ESR1: variants seen among roughly 807,000 people sequenced by gnomAD.
ESR1 encodes the protein estrogen receptor.
In ESR1, 12 loss-of-function variants were observed where a neutral mutation model predicts 52.7. The ratio of observed to expected loss-of-function variants is 0.23; its 90% confidence interval spans 0.15 to 0.37. ESR1 has a LOEUF of 0.37. Ranked by LOEUF, ESR1 falls within the 10% of genes least tolerant of loss-of-function variation. The pLI is 1.00. For missense variants in ESR1, 584 were observed against 779.7 expected (o/e 0.75, Z 2.99); for synonymous variants, 305 against 316.8 (o/e 0.96, Z 0.39).
At chr6:151,870,842 GCTT>G (rs980809012) in intron 2 of ESR1, among the ~76,000 whole-genome samples, 25 of 151,778 alleles carry the variant, frequency 1.6e-4, no homozygotes, top group South Asian at 6.3e-4. Flanking sequence ...TACATCTTCA[GCTT>G]CTTCTTCTTC....
chr6:151,689,990 T>C (rs960536378), upstream of ESR1, among the ~76,000 whole-genome samples: 3 of 152,144 alleles, frequency 2.0e-5, no homozygotes, highest in Non-Finnish European at 4.4e-5. Context: ...GGAAGGATCA[T>C]ATGACAGAAG....
chr6:151,935,098 A>G (rs1009678351), intron 3 of ESR1, among the ~76,000 whole-genome samples: 1 of 152,220 alleles, frequency 6.6e-6, no homozygotes, highest in Admixed American at 6.5e-5. Flanking sequence ...GTAATAAGGA[A>G]TACTAATAGC....
At chr6:151,890,278 G>A (rs1421161991) in intron 3 of ESR1, among the ~76,000 whole-genome samples, 2 of 151,740 alleles carry the variant, frequency 1.3e-5, no homozygotes, top group African/African-American at 4.8e-5. Context: ...GTAGAGATGG[G>A]GTTTCACCAT....
At chr6:151,787,789 A>G (rs1787163796) in intron 2 of ESR1, among the ~76,000 whole-genome samples, 1 of 152,212 alleles carries the variant, frequency 6.6e-6, no homozygotes, top group African/African-American at 2.4e-5. Context: ...TGTCATCTGC[A>G]AATAGGGATA....
intron 1 of ESR1, among the ~76,000 whole-genome samples, chr6:151,664,341 G>T (rs1777744005): frequency 6.6e-6 from 1 of 152,160 alleles, no homozygotes; most frequent in Non-Finnish European, 1.5e-5. Context: ...ATTAAGAACT[G>T]AACATTGATA....
chr6:151,863,223 T>C (rs1032176295), intron 2 of ESR1, among the ~76,000 whole-genome samples: 1 of 152,170 alleles, frequency 6.6e-6, no homozygotes, highest in African/African-American at 2.4e-5. Flanking sequence ...AATCTATAAA[T>C]TACCTTGGGC....
In ESR1 at chr6:152,026,997, G is replaced by A. The variant is rs1048263766; in HGVS notation, c.1235+15203G>A. On this transcript the variant is annotated intron_variant, in intron 5 of 7. Transcript: ENST00000206249. ...TTTTTTTTTTTTGAGGTGGAGTTTCGCTCTTGTTGCCCAGGTTGGAGTGCA... is the reference window on the plus strand; with the variant it reads ...TTTTTTTTTTTTGAGGTGGAGTTTCACTCTTGTTGCCCAGGTTGGAGTGCA... Among the ~76,000 whole-genome samples, 253 of 148,240 alleles carry A rather than the reference G, an allele frequency of 1.7e-3. 2 individuals are homozygous for A. Among genetic ancestry groups the A allele is most frequent in the African/African-American group, 6.2e-3 (247 of 39,952 alleles).
rs74674497 is a variant in ESR1, at chr6:152,075,793, A to G, written c.1369+14669A>G. ...GATATGGACATGTGCATATTGGCCA[A>G]TTATATATGCTCAGATCGTATGTCA... On this transcript the variant is annotated intron_variant, in intron 6 of 7. Transcript: ENST00000206249. Among the ~76,000 whole-genome samples the G allele has an allele frequency of 1.7e-4, 26 of 152,356 alleles. No homozygotes were observed. The East Asian group carries it at 4.2e-3, about 25-fold the overall frequency.
At chr6:151,704,226 C>T (rs925333856) in intron 2 of ESR1, among the ~76,000 whole-genome samples, 5 of 152,050 alleles carry the variant, frequency 3.3e-5, no homozygotes, top group East Asian at 3.9e-4. Context: ...GTTACAAAGT[C>T]GATTCTTTTT....
intron 2 of ESR1, among the ~76,000 whole-genome samples, chr6:151,753,851 A>G (rs1168425214): frequency 6.6e-6 from 1 of 152,132 alleles, no homozygotes; most frequent in Non-Finnish European, 1.5e-5. Context: ...TCTTACCTAT[A>G]TTTGTACTTG....
rs2128958484 is a variant in ESR1, at chr6:152,061,097, C to T, written c.1342C>T (p.Leu448Phe). Reference protein sequence around the residue: ...MNLQGEEFVCLKSIILLNSGV... With the variant: ...MNLQGEEFVCFKSIILLNSGV... ...TCTGCAGGGAGAGGAGTTTGTGTGCCTCAAATCTATTATTTTGCTTAATTC... is the reference window on the plus strand; with the variant it reads ...TCTGCAGGGAGAGGAGTTTGTGTGCTTCAAATCTATTATTTTGCTTAATTC... The change falls in exon 6 of 8, where the codon CTC becomes TTC. Residue 448 changes from leucine to phenylalanine, a missense_variant. By Grantham distance (22) the Leu-to-Phe change is conservative. Around this residue, in one of 6 missense-constraint regions of ESR1, gnomAD observed 141 missense variants for 289.3 expected, o/e 0.49. Transcript: ENST00000206249. This position sits in a 1 kb window ranked among gnomAD's most constrained non-coding sequence, Gnocchi z 4.3. 6.2e-7 allele frequency: 1 copy of T among 1,613,836 alleles called. No individual in the cohort carries two copies.
At position 152,003,340 on chromosome 6, in the gene ESR1, A is replaced by ATGTGTGTGTG. The variant is rs60787638; in HGVS notation, c.1097-8293_1097-8284dup. 3.1e-3 allele frequency among the ~76,000 whole-genome samples: 445 copies of ATGTGTGTGTG among 145,638 alleles called. 4 individuals carry two copies. The highest frequency in any genetic ancestry group is 9.6e-3 in the African/African-American group (382 of 39,838). ...TAAATGGAGGGAAAAAAGGGTAATT[A>ATGTGTGTGTG]TGTGTGTGTGTGTGTGTGTGTGTGT... is the stretch of plus-strand genomic sequence containing the variant. On this transcript the variant is annotated intron_variant, in intron 4 of 7. Transcript: ENST00000206249.
chr6:151,825,766 G>A (rs1283578291), intron 1 of ESR1, among the ~76,000 whole-genome samples: 1 of 151,984 alleles, frequency 6.6e-6, no homozygotes, highest in Non-Finnish European at 1.5e-5. Flanking sequence ...ACAAAAATTA[G>A]CCAAGTGTGG....
chr6:152,099,800 C>T lies in ESR1; in HGVS notation c.*834C>T, dbSNP rs1235865018. The T allele has an allele frequency of 5.1e-6, 2 of 393,214 alleles. No individual in the cohort carries two copies. The highest frequency in any genetic ancestry group is 9.0e-6 in the Non-Finnish European group (2 of 223,166). The allele number at this position is 393,214 out of a possible 1,614,324, so 24.4% of individuals were successfully genotyped here. ...TTTGTGTTACAAAAGAAAGCCCTCCCTCCCTGAACTTGCAGTAAGGTCAGC... is the reference window on the plus strand; with the variant it reads ...TTTGTGTTACAAAAGAAAGCCCTCCTTCCCTGAACTTGCAGTAAGGTCAGC... On this transcript the variant is annotated 3_prime_UTR_variant, in exon 8 of 8. Transcript: ENST00000206249.
At chr6:151,726,488 C>T (rs943688098) in intron 2 of ESR1, among the ~76,000 whole-genome samples, 1 of 152,112 alleles carries the variant, frequency 6.6e-6, no homozygotes, top group African/African-American at 2.4e-5. Context: ...CCTGCCACCA[C>T]TTCCGGCTAA....
At chr6:151,824,042 G>A (rs571204678) in intron 1 of ESR1, among the ~76,000 whole-genome samples, 198 of 152,144 alleles carry the variant, frequency 1.3e-3, no homozygotes, top group African/African-American at 4.4e-3. Flanking sequence ...CTGAGGAATC[G>A]CCACACTGAC....
At chr6:152,078,359 G>A (rs553895494) in intron 6 of ESR1, among the ~76,000 whole-genome samples, 2 of 152,254 alleles carry the variant, frequency 1.3e-5, no homozygotes, top group African/African-American at 4.8e-5. Flanking sequence ...TGACCAAGAC[G>A]GCCTTTCTTT....
intron 2 of ESR1, among the ~76,000 whole-genome samples, chr6:151,724,834 C>A (rs1781722578): frequency 6.6e-6 from 1 of 152,094 alleles, no homozygotes; most frequent in South Asian, 2.1e-4. Context: ...AGATTTAAAT[C>A]CAGAGTTATT....
At chr6:151,770,060 G>A (rs1298775625) in intron 2 of ESR1, among the ~76,000 whole-genome samples, 1 of 151,712 alleles carries the variant, frequency 6.6e-6, no homozygotes, top group African/African-American at 2.4e-5. Context: ...AGAGGGATGA[G>A]GAGAACTCAA....
Sources: allele counts gnomAD v4.1 joint callset (sites outside exome capture counted in the v4.1 genomes callset), GRCh38; gene constraint gnomAD v4.1.1; regional missense constraint gnomAD v4.1.1; non-coding constraint Gnocchi (gnomAD v3.1); transcripts MANE v1.5; gene names NCBI Gene and HGNC (gene_info 2026-07-23, HGNC 2026-07-21).